PTPRM: variants seen among roughly 807,000 people sequenced by gnomAD.
PTPRM encodes receptor-type tyrosine-protein phosphatase mu.
Under a neutral mutation model 186.7 loss-of-function variants are expected in PTPRM, and 47 were observed. The observed-to-expected ratio is 0.25, with a 90% CI of 0.20 to 0.32. The LOEUF (loss-of-function observed/expected upper bound fraction) is 0.32, where lower values mean the gene tolerates loss of function less well. PTPRM is among the 10% of genes least tolerant of loss of function. The pLI, the probability that PTPRM is intolerant of heterozygous loss-of-function variation, is 1.00. For synonymous variants in PTPRM, 668 were observed against 674.9 expected, an observed-to-expected ratio of 0.99 and a Z score of 0.16; for missense variants, 1,494 against 1,865.0, an observed-to-expected ratio of 0.80 and a Z score of 3.66.
chr18:8,139,485 T>C (rs141632736), intron 13 of PTPRM, among the ~76,000 whole-genome samples: 230 of 152,274 alleles, frequency 1.5e-3, no homozygotes, highest in African/African-American at 5.4e-3. Context: ...GGGATAGTGT[T>C]GTTGAATATA....
chr18:8,239,146 T>TC (rs1568579742), intron 14 of PTPRM, among the ~76,000 whole-genome samples: 1 of 51,938 alleles, frequency 1.9e-5, no homozygotes, highest in Non-Finnish European at 3.4e-5. Flanking sequence ...CCCTCCCCCC[T>TC]CCCCCCACCC....
At chr18:7,855,766 GT>G (rs2145984262) in intron 2 of PTPRM, among the ~76,000 whole-genome samples, 1 of 152,288 alleles carries the variant, frequency 6.6e-6, no homozygotes, top group South Asian at 2.1e-4. Flanking sequence ...AGAAGACACT[GT>G]TTCCTCTGGC....
At chr18:7,756,605 A>G (rs2144692004) in intron 1 of PTPRM, among the ~76,000 whole-genome samples, 1 of 152,304 alleles carries the variant, frequency 6.6e-6, no homozygotes, top group African/African-American at 2.4e-5. Context: ...TAGAGATGCA[A>G]TTTACTTATG....
At chr18:7,884,723 G>T (rs1393769073) in intron 2 of PTPRM, among the ~76,000 whole-genome samples, 1 of 151,958 alleles carries the variant, frequency 6.6e-6, no homozygotes, top group African/African-American at 2.4e-5. Context: ...AGGAGTTCAA[G>T]ACCAGCCTGA....
intron 19 of PTPRM, among the ~76,000 whole-genome samples, chr18:8,285,404 C>G (rs1288045778): frequency 6.6e-6 from 1 of 152,136 alleles, no homozygotes; most frequent in Non-Finnish European, 1.5e-5. Context: ...CAGTTTTCCC[C>G]AAGTGTGAGA....
rs969387826 is a variant in PTPRM at position 7,616,396 on chromosome 18, G to A, written c.73+48505G>A. Among the ~76,000 whole-genome samples, 7 of 151,972 alleles carry A rather than the reference G, an allele frequency of 4.6e-5. 1 individual carries two copies. The highest frequency in any genetic ancestry group is 4.6e-4 in the Admixed American group (7 of 15,264). ...GGGGTCTTGAACTTCTGGGCCCAAG[G>A]TATGCTCCTGCCTCAGCCTCCCAGA... On this transcript the variant is annotated intron_variant, in intron 1 of 32. Coordinates refer to ENST00000580170, the MANE Select transcript of PTPRM (RefSeq NM_001105244.2).
At chr18:7,596,799 CTCCTT>C in intron 1 of PTPRM, among the ~76,000 whole-genome samples, 1 of 152,072 alleles carries the variant, frequency 6.6e-6, no homozygotes, top group African/African-American at 2.4e-5. Flanking sequence ...ATGCCACTCA[CTCCTT>C]TCCTTCTCTT....
At chr18:8,248,110 T>G in intron 16 of PTPRM, 40 bp from the exon 17 acceptor site, 1 of 1,519,450 alleles carries the variant, frequency 6.6e-7, no homozygotes, top group Non-Finnish European at 9.1e-7. Flanking sequence ...TCTTTCTCTT[T>G]TTACTTTCTC....
At chr18:7,725,552 C>A (rs568708561) in intron 1 of PTPRM, among the ~76,000 whole-genome samples, 2 of 147,890 alleles carry the variant, frequency 1.4e-5, no homozygotes, top group East Asian at 1.9e-4. Context: ...CTGCCCCCAA[C>A]CCCCATCCTG....
At chr18:8,267,634 A>G (rs1362131424) in intron 19 of PTPRM, among the ~76,000 whole-genome samples, 4 of 152,128 alleles carry the variant, frequency 2.6e-5, no homozygotes, top group African/African-American at 9.7e-5. Context: ...TTCCTTTCTA[A>G]AGATGTATTT....
chr18:8,184,330 T>C (rs1355453544), intron 14 of PTPRM, among the ~76,000 whole-genome samples: 1 of 147,952 alleles, frequency 6.8e-6, no homozygotes, highest in Non-Finnish European at 1.5e-5. Flanking sequence ...GCTGCAACTA[T>C]GTAAAAGGAA....
chr18:8,068,830 T>C (rs1401139763), intron 7 of PTPRM, among the ~76,000 whole-genome samples: 2 of 152,208 alleles, frequency 1.3e-5, no homozygotes, highest in Non-Finnish European at 2.9e-5. Context: ...CCGGGTGTGG[T>C]GGCACACGCC....
At chr18:8,122,701 G>C (rs2092218312) in intron 13 of PTPRM, among the ~76,000 whole-genome samples, 2 of 152,186 alleles carry the variant, frequency 1.3e-5, no homozygotes, top group South Asian at 4.1e-4. Flanking sequence ...TCAGATTTGA[G>C]GGTGCAAGAG....
At chr18:7,760,344 T>C (rs2041707487) in intron 1 of PTPRM, among the ~76,000 whole-genome samples, 1 of 152,232 alleles carries the variant, frequency 6.6e-6, no homozygotes, top group Non-Finnish European at 1.5e-5. Context: ...ACCTTAGAGA[T>C]AATCTAGGCC....
intron 1 of PTPRM, among the ~76,000 whole-genome samples, chr18:7,635,417 T>C (rs2038289557): frequency 6.6e-6 from 1 of 152,232 alleles, no homozygotes. Flanking sequence ...CATAGTACTA[T>C]GTGCTTAATA....
At chr18:7,960,411 T>C (rs890148707) in intron 7 of PTPRM, among the ~76,000 whole-genome samples, 4 of 150,456 alleles carry the variant, frequency 2.7e-5, no homozygotes, top group Non-Finnish European at 4.4e-5. Context: ...TCAGAACTTA[T>C]ATATTTTGGG....
chr18:7,844,730 T>C (rs2046508775), intron 2 of PTPRM, among the ~76,000 whole-genome samples: 2 of 152,204 alleles, frequency 1.3e-5, no homozygotes, highest in South Asian at 4.1e-4. Context: ...TGGGTAGCTT[T>C]CCAAGTCTGA....
chr18:7,681,841 G>A (rs775968795), intron 1 of PTPRM, among the ~76,000 whole-genome samples: 1 of 152,118 alleles, frequency 6.6e-6, no homozygotes, highest in Non-Finnish European at 1.5e-5. Context: ...TTAATTGGGT[G>A]GATATAAGGA....
At chr18:7,683,264 C>G (rs949300265) in intron 1 of PTPRM, among the ~76,000 whole-genome samples, 17 of 150,670 alleles carry the variant, frequency 1.1e-4, no homozygotes, top group Non-Finnish European at 7.4e-5. Context: ...CTCCTGGGCT[C>G]AAGCCATCCA....
Sources: allele counts gnomAD v4.1 joint callset (sites outside exome capture counted in the v4.1 genomes callset), GRCh38; gene constraint gnomAD v4.1.1; transcripts MANE v1.5; gene names NCBI Gene and HGNC (gene_info 2026-07-23, HGNC 2026-07-21).